CHEK1: variants seen among roughly 807,000 people sequenced by gnomAD.
CHEK1 encodes the protein checkpoint kinase 1.
Under a neutral mutation model 60.2 loss-of-function variants are expected in CHEK1, and 32 were observed. The ratio of observed to expected loss-of-function variants is 0.53; its 90% CI spans 0.40 to 0.71. The LOEUF (loss-of-function observed/expected upper bound fraction) is 0.71. CHEK1 is among the 30% of genes least tolerant of loss of function. CHEK1 has a pLI of 0.00. For missense variants in CHEK1, 399 were observed against 564.6 expected (o/e 0.71, Z 2.97); for synonymous variants, 179 against 187.2 (o/e 0.96, Z 0.36).
rs1254347870 is a variant in CHEK1, at chr11:125,629,219, A to G, written c.290-13A>G. ...ATATTTAGTCAATAAACTTACTTTC[A>G]TATTTGTTTTAGAGCCAGACATAGG... On this transcript the variant is annotated splice_polypyrimidine_tract_variant and intron_variant, in intron 3 of 12. Transcript: ENST00000438015. 6.2e-7 allele frequency: 1 copy of G among 1,613,536 alleles called. No individual in the cohort carries two copies. Among genetic ancestry groups the G allele is most frequent in the Admixed American group, 1.7e-5 (1 of 60,004 alleles).
intron 13 of CHEK1, among the ~76,000 whole-genome samples, chr11:125,675,453 G>A (rs1942457479): frequency 6.6e-6 from 1 of 152,164 alleles, no homozygotes; most frequent in South Asian, 2.1e-4. Context: ...GAGTGATGGT[G>A]GATGAATGTC....
intron 11 of CHEK1, among the ~76,000 whole-genome samples, chr11:125,645,705 T>C (rs912729967): frequency 3.3e-5 from 5 of 152,080 alleles, no homozygotes; most frequent in African/African-American, 1.2e-4. Context: ...AAAGTTGAAG[T>C]GAAGTGATAT....
At chr11:125,629,868 G>C (rs1426012353) in intron 5 of CHEK1, among the ~76,000 whole-genome samples, 2 of 151,980 alleles carry the variant, frequency 1.3e-5, no homozygotes, top group East Asian at 3.8e-4. Flanking sequence ...CCAACCACAG[G>C]CAGGTGCCAC....
intron 13 of CHEK1, among the ~76,000 whole-genome samples, chr11:125,673,231 A>G (rs1401572848): frequency 1.3e-5 from 2 of 148,632 alleles, no homozygotes; most frequent in African/African-American, 5.0e-5. Flanking sequence ...TTTTGAGACA[A>G]TCTCGCTCTG....
Position 125,653,861 on chromosome 11 carries a change from TTATTG to T in CHEK1, c.1335+19_1335+23del. The T allele has an allele frequency of 7.2e-7, 1 of 1,382,430 alleles. No individual in the cohort carries two copies. The highest frequency in any genetic ancestry group is 1.0e-6 in the Non-Finnish European group (1 of 989,108). 85.6% of individuals were successfully genotyped at this position (1,382,430 alleles called of 1,614,324 possible). ...CGGCTTTCTAAGGTATTTTTATGTTTTATTGTATTCTTTCTATGGAAATATTTCTA... is the reference window on the plus strand; with the variant it reads ...CGGCTTTCTAAGGTATTTTTATGTTTTATTCTTTCTATGGAAATATTTCTA... On this transcript the variant is annotated intron_variant, in intron 12 of 12. Transcript: ENST00000438015. The surrounding 1 kb of genome is among the most constrained non-coding windows in gnomAD (Gnocchi z 4.3).
At chr11:125,678,954 T>TAA (rs1171041691), downstream of CHEK1, among the ~76,000 whole-genome samples, 4 of 83,048 alleles carry the variant, frequency 4.8e-5, no homozygotes, top group South Asian at 4.2e-4. Flanking sequence ...GCTATTAAGG[T>TAA]AAAAAAAAAA....
intron 8 of CHEK1, among the ~76,000 whole-genome samples, chr11:125,638,059 G>A (rs1286616534): frequency 1.3e-5 from 2 of 152,230 alleles, no homozygotes; most frequent in African/African-American, 4.8e-5. Context: ...GGGAGAGGAA[G>A]ACAGGTTTGA....
rs557311968 is a variant in CHEK1 at position 125,655,796 on chromosome 11, A to G, written c.*476A>G. On this transcript the variant is annotated 3_prime_UTR_variant, in exon 13 of 13. Coordinates refer to ENST00000438015, the MANE Select transcript of CHEK1 (RefSeq NM_001114122.3). ...TGTGAAGCGAAGCCAGCTTCAAAAC[A>G]TATCCCCAAGATTTGTACTTATATT... 26 of 216,076 alleles carry G rather than the reference A, an allele frequency of 1.2e-4. No individual in the cohort carries two copies. Among genetic ancestry groups the G allele is most frequent in the African/African-American group, 5.2e-4 (23 of 44,512 alleles). The allele number at this position is 216,076 out of a possible 1,614,324, so 13.4% of individuals were successfully genotyped here. A position where few individuals can be genotyped will look rare whatever the true frequency, so the allele number is the denominator to read the frequency against.
At chr11:125,663,515 A>T (rs903217846) in intron 13 of CHEK1, among the ~76,000 whole-genome samples, 1 of 151,790 alleles carries the variant, frequency 6.6e-6, no homozygotes, top group Admixed American at 6.6e-5. Context: ...TTATTTGTTT[A>T]TTTTTATGTA....
In CHEK1 at chr11:125,653,897, A is replaced by G; in HGVS notation, c.1335+50A>G. On this transcript the variant is annotated intron_variant, in intron 12 of 12. Coordinates refer to ENST00000438015, the MANE Select transcript of CHEK1 (RefSeq NM_001114122.3). The surrounding 1 kb of genome is among the most constrained non-coding windows in gnomAD (Gnocchi z 4.3). ...TTTCTATGGAAATATTTCTATATGAATTTTTTTAATGGCATTATGTTTGTA... is the reference window on the plus strand; with the variant it reads ...TTTCTATGGAAATATTTCTATATGAGTTTTTTTAATGGCATTATGTTTGTA... 9.1e-7 allele frequency: 1 copy of G among 1,096,918 alleles called. No homozygotes were observed. Among genetic ancestry groups the G allele is most frequent in the Non-Finnish European group, 1.3e-6 (1 of 754,494 alleles). The allele number at this position is 1,096,918 out of a possible 1,614,324, so 67.9% of individuals were successfully genotyped here.
intron 13 of CHEK1, among the ~76,000 whole-genome samples, chr11:125,669,133 T>C (rs1942151024): frequency 1.3e-5 from 2 of 152,302 alleles, no homozygotes; most frequent in African/African-American, 4.8e-5. Context: ...ATCTTTACTA[T>C]ATCTGGAACT....
chr11:125,640,641 C>T (rs1054281164), intron 8 of CHEK1, among the ~76,000 whole-genome samples: 2 of 151,958 alleles, frequency 1.3e-5, no homozygotes, highest in African/African-American at 4.8e-5. Context: ...GTGGTCTCCA[C>T]TTACTGAAAC....
chr11:125,639,081 A>AT, intron 8 of CHEK1, among the ~76,000 whole-genome samples: 1 of 152,184 alleles, frequency 6.6e-6, no homozygotes, highest in East Asian at 1.9e-4. Flanking sequence ...TAGGTTAGTC[A>AT]TTATAAATGA....
chr11:125,636,762 AC>A (rs1941088856), intron 7 of CHEK1, among the ~76,000 whole-genome samples: 1 of 151,250 alleles, frequency 6.6e-6, no homozygotes, highest in Non-Finnish European at 1.5e-5. Flanking sequence ...TGCACTTGTT[AC>A]AAATACTTTT....
chr11:125,664,920 G>C (rs1252685127), intron 13 of CHEK1, among the ~76,000 whole-genome samples: 2 of 152,142 alleles, frequency 1.3e-5, no homozygotes, highest in African/African-American at 4.8e-5. Flanking sequence ...CCTACATTTA[G>C]AACTTTAATT....
chr11:125,677,776 A>C (rs555801550), downstream of CHEK1: 200 of 1,611,392 alleles, frequency 1.2e-4, 2 homozygotes, highest in South Asian at 2.1e-3. Flanking sequence ...AATGACTGGC[A>C]CCCATCCAAA....
intron 13 of CHEK1, among the ~76,000 whole-genome samples, chr11:125,672,952 C>A (rs1476620072): frequency 1.3e-5 from 2 of 152,108 alleles, no homozygotes; most frequent in African/African-American, 4.8e-5. Flanking sequence ...CAAGGATGCT[C>A]AGGTTACCCC....
chr11:125,648,591 A>C (rs1941593955), intron 11 of CHEK1, among the ~76,000 whole-genome samples: 1 of 152,110 alleles, frequency 6.6e-6, no homozygotes, highest in African/African-American at 2.4e-5. Context: ...CAAAAAAAAA[A>C]AAATTACATT....
downstream of CHEK1, among the ~76,000 whole-genome samples, chr11:125,658,709 T>C (rs1221767722): frequency 7.1e-6 from 1 of 139,876 alleles, no homozygotes; most frequent in Admixed American, 7.1e-5. Context: ...TTTTTTTTTT[T>C]TTAAGAGTCT....
Sources: allele counts gnomAD v4.1 joint callset (sites outside exome capture counted in the v4.1 genomes callset), GRCh38; gene constraint gnomAD v4.1.1; non-coding constraint Gnocchi (gnomAD v3.1); transcripts MANE v1.5; gene names NCBI Gene and HGNC (gene_info 2026-07-23, HGNC 2026-07-21).